Variants in IGF1R observed in about 807,000 individuals in gnomAD.
The protein encoded by IGF1R is insulin-like growth factor 1 receptor.
A neutral mutation model predicts 144.6 loss-of-function variants in IGF1R; 44 were observed. That is an observed-to-expected ratio of 0.30 (90% CI 0.24 to 0.39). The LOEUF (loss-of-function observed/expected upper bound fraction) is 0.39. Among genes scored for constraint, IGF1R ranks in the 10% least tolerant of loss-of-function variants. The probability of loss-of-function intolerance (pLI) is 1.00; values close to 1 mark genes in which losing one functional copy is unlikely to be tolerated. For synonymous variants in IGF1R, 795 were observed against 722.8 expected (o/e 1.10, Z -1.60); for missense variants, 1,355 against 1,833.7 (o/e 0.74, Z 4.77).
intron 2 of IGF1R, among the ~76,000 whole-genome samples, chr15:98,772,674 T>C (rs986777775): frequency 1.3e-5 from 2 of 151,328 alleles, no homozygotes; most frequent in Non-Finnish European, 2.9e-5. Flanking sequence ...TTTTTTTTTT[T>C]AACTTTTTTT....
Position 98,957,161 on chromosome 15 carries a change from C to T in IGF1R, c.3823C>T (p.Arg1275Trp), listed in dbSNP as rs143286842. ...CAAAGAGGAGATGGAGCCTGGCTTC[C>T]GGGAGGTCTCCTTCTACTACAGCGA... ...SIKEEMEPGF[R>W]EVSFYYSEEN... Residue 1275 changes from arginine (R) to tryptophan (W), a missense_variant, in exon 21 of 21, where the codon CGG becomes TGG. Arg to Trp is a moderately radical substitution (Grantham distance 101). This residue lies in a region of IGF1R where 219 missense variants were observed against 188.8 expected (regional missense o/e 1.16). Coordinates refer to ENST00000650285, the MANE Select transcript of IGF1R (RefSeq NM_000875.5). The T allele has an allele frequency of 9.9e-6, 16 of 1,614,114 alleles. No individual in the cohort carries two copies. Among genetic ancestry groups the T allele is most frequent in the South Asian group, 5.5e-5 (5 of 91,090 alleles).
At chr15:98,857,499 G>A (rs1458701470) in intron 2 of IGF1R, among the ~76,000 whole-genome samples, 2 of 152,208 alleles carry the variant, frequency 1.3e-5, no homozygotes, top group Admixed American at 6.5e-5. Context: ...GATTACAGGC[G>A]TGAGCCACCA....
intron 2 of IGF1R, among the ~76,000 whole-genome samples, chr15:98,711,502 T>G (rs907063327): frequency 1.3e-5 from 2 of 152,228 alleles, no homozygotes; most frequent in African/African-American, 2.4e-5. Context: ...TGCACACTTC[T>G]GTATTTCTCG....
chr15:98,650,514 C>A (rs2052333577), intron 1 of IGF1R, among the ~76,000 whole-genome samples: 1 of 152,204 alleles, frequency 6.6e-6, no homozygotes, highest in East Asian at 1.9e-4. Flanking sequence ...TTCTCCCGGG[C>A]CGGGGGATGG....
chr15:98,790,979 C>T (rs2056115151), intron 2 of IGF1R, among the ~76,000 whole-genome samples: 1 of 152,162 alleles, frequency 6.6e-6, no homozygotes, highest in Admixed American at 6.5e-5. Flanking sequence ...GCCTCTTCTC[C>T]AGCAAGCTGT....
At chr15:98,852,171 A>G (rs2011554171) in intron 2 of IGF1R, among the ~76,000 whole-genome samples, 2 of 152,226 alleles carry the variant, frequency 1.3e-5, no homozygotes, top group Non-Finnish European at 2.9e-5. Context: ...TCCACAGAAC[A>G]AAAATGATGT....
intron 1 of IGF1R, chr15:98,650,853 C>T: frequency 2.1e-6 from 2 of 964,450 alleles, no homozygotes; most frequent in Non-Finnish European, 2.5e-6. Context: ...CTTTTGCAAT[C>T]TGATAGCTTT....
chr15:98,701,647 C>T (rs56190996), intron 1 of IGF1R, among the ~76,000 whole-genome samples: 34,140 of 151,968 alleles, frequency 0.22, 4,164 homozygotes, highest in East Asian at 0.39. Context: ...CCAACCTATC[C>T]CATATTTTTA....
At chr15:98,797,218 A>C (rs2056265152) in intron 2 of IGF1R, among the ~76,000 whole-genome samples, 1 of 152,196 alleles carries the variant, frequency 6.6e-6, no homozygotes, top group Non-Finnish European at 1.5e-5. Context: ...CCTGATGTCC[A>C]TGCTGAGTAG....
chr15:98,750,813 G>T (rs1366992826), intron 2 of IGF1R, among the ~76,000 whole-genome samples: 4 of 152,146 alleles, frequency 2.6e-5, no homozygotes, highest in Non-Finnish European at 5.9e-5. Context: ...TTTTGAGACG[G>T]GATCTTACTG....
chr15:98,663,841 T>G (rs2052659937), intron 1 of IGF1R, among the ~76,000 whole-genome samples: 1 of 152,200 alleles, frequency 6.6e-6, no homozygotes. Context: ...GAGGAACAGT[T>G]TGTTTAAAGA....
At chr15:98,691,301 C>T (rs555528842) in intron 1 of IGF1R, among the ~76,000 whole-genome samples, 96 of 151,780 alleles carry the variant, frequency 6.3e-4, no homozygotes, top group African/African-American at 2.2e-3. Context: ...TTGACAGTTT[C>T]GAGGGACACT....
intron 1 of IGF1R, among the ~76,000 whole-genome samples, chr15:98,663,992 ACT>A (rs1232747879): frequency 2.0e-5 from 3 of 151,988 alleles, no homozygotes; most frequent in Admixed American, 6.5e-5. Flanking sequence ...GATTAGTGCC[ACT>A]CTCTGGGTGC....
chr15:98,770,287 A>T (rs771917944), intron 2 of IGF1R, among the ~76,000 whole-genome samples: 3 of 152,232 alleles, frequency 2.0e-5, no homozygotes, highest in African/African-American at 2.4e-5. Context: ...GGAGCAAAAA[A>T]AGTTGATCTC....
rs34303390 is a variant in IGF1R, at chr15:98,875,349, CTTTTTTTTTT to C, written c.641-15969_641-15960del. ...TTCTTTCTTTCTTTTCTTTTCTTTT[CTTTTTTTTTT>C]TTTTTTAGGTGACTTGGCCAGTTTG... On this transcript the variant is annotated intron_variant, in intron 2 of 20. Coordinates refer to ENST00000650285, the MANE Select transcript of IGF1R (RefSeq NM_000875.5). 3.5e-3 allele frequency among the ~76,000 whole-genome samples: 457 copies of C among 130,212 alleles called. 4 individuals carry two copies. Among genetic ancestry groups the C allele is most frequent in the African/African-American group, 0.013 (436 of 34,746 alleles). 85.4% of individuals were successfully genotyped at this position (130,212 alleles called of 152,430 possible).
intron 2 of IGF1R, among the ~76,000 whole-genome samples, chr15:98,771,393 G>A (rs573599425): frequency 6.6e-6 from 1 of 152,080 alleles, no homozygotes; most frequent in African/African-American, 2.4e-5. Flanking sequence ...CCTCACTGCC[G>A]TTTCATAGGG....
intron 1 of IGF1R, among the ~76,000 whole-genome samples, chr15:98,705,046 G>A (rs76540772): frequency 8.0e-4 from 2 of 2,488 alleles, no homozygotes; most frequent in Admixed American, 1.6e-3. Context: ...GGATATACTC[G>A]GATGTATACG....
chr15:98,753,039 G>A (rs1034926622), intron 2 of IGF1R, among the ~76,000 whole-genome samples: 6 of 149,302 alleles, frequency 4.0e-5, no homozygotes, highest in African/African-American at 1.5e-4. Flanking sequence ...GGGTTCAAGC[G>A]ATTCTCCTGC....
chr15:98,904,435 T>C (rs2014632062), intron 5 of IGF1R, among the ~76,000 whole-genome samples: 1 of 152,164 alleles, frequency 6.6e-6, no homozygotes, highest in South Asian at 2.1e-4. Flanking sequence ...GGAAACATTG[T>C]CTGAATATCT....
Sources: gnomAD v4.1 joint callset for allele counts (sites outside exome capture counted in the v4.1 genomes callset) on GRCh38, gnomAD v4.1.1 for gene constraint, gnomAD v4.1.1 regional missense constraint, MANE v1.5 for transcripts, NCBI Gene and HGNC (gene_info 2026-07-23, HGNC 2026-07-21) for gene names.